SEC22C: variants seen among roughly 807,000 people sequenced by gnomAD.
SEC22C encodes SEC22 homolog C, vesicle trafficking protein, also known as vesicle-trafficking protein SEC22c.
A neutral mutation model predicts 34.7 loss-of-function variants in SEC22C; 29 were observed. The observed-to-expected ratio is 0.84, with a 90% CI of 0.62 to 1.14. SEC22C has a LOEUF of 1.14. SEC22C is among the 50% of genes most tolerant of loss of function. The pLI, the probability that SEC22C is intolerant of heterozygous loss-of-function variation, is 0.00. For missense variants in SEC22C, 337 were observed against 369.0 expected, an observed-to-expected ratio of 0.91 and a Z score of 0.71; for synonymous variants, 117 against 132.8, an observed-to-expected ratio of 0.88 and a Z score of 0.82.
intron 1 of SEC22C, chr3:42,591,138 G>A (rs1438524056): frequency 2.9e-6 from 2 of 701,436 alleles, no homozygotes; most frequent in Admixed American, 2.2e-5. Context: ...GCCGGGGCAG[G>A]ACCCCGGCAT....
intron 1 of SEC22C, among the ~76,000 whole-genome samples, chr3:42,574,879 C>T (rs891407293): frequency 6.6e-6 from 1 of 152,210 alleles, no homozygotes; most frequent in Admixed American, 6.5e-5. Context: ...AACGCAGTGA[C>T]ACAATCATGG....
At chr3:42,554,355 A>AT (rs1332802184) in intron 6 of SEC22C, among the ~76,000 whole-genome samples, 1 of 151,874 alleles carries the variant, frequency 6.6e-6, no homozygotes, top group Non-Finnish European at 1.5e-5. Context: ...ATGCTTTTTC[A>AT]TTTTTTTTAG....
chr3:42,575,382 A>C (rs1040361486), intron 1 of SEC22C, among the ~76,000 whole-genome samples: 2 of 152,256 alleles, frequency 1.3e-5, no homozygotes, highest in Non-Finnish European at 2.9e-5. Flanking sequence ...TACTATCTAC[A>C]TGAAATTCAC....
At chr3:42,594,415 C>T (rs1704967621) in intron 1 of SEC22C, 2 of 1,607,800 alleles carry the variant, frequency 1.2e-6, no homozygotes, top group Non-Finnish European at 1.7e-6. Context: ...TGTTTTTTTG[C>T]CCATAGGTAC....
chr3:42,585,898 C>T (rs977079685), upstream of SEC22C, among the ~76,000 whole-genome samples: 7 of 152,110 alleles, frequency 4.6e-5, no homozygotes, highest in African/African-American at 1.7e-4. Context: ...CCAAAATCAA[C>T]TTCCAAATAT....
chr3:42,576,527 A>G (rs549840657), intron 1 of SEC22C, among the ~76,000 whole-genome samples: 1 of 152,142 alleles, frequency 6.6e-6, no homozygotes, highest in Non-Finnish European at 1.5e-5. Context: ...AATAATATCA[A>G]TAAAGCTATA....
At chr3:42,570,717 A>C (rs1028978744) in intron 1 of SEC22C, among the ~76,000 whole-genome samples, 8 of 152,206 alleles carry the variant, frequency 5.3e-5, no homozygotes, top group Non-Finnish European at 1.2e-4. Context: ...ATGAGACCTC[A>C]AGGCACCACA....
At chr3:42,579,776 T>C (rs1450765349) in intron 1 of SEC22C, among the ~76,000 whole-genome samples, 2 of 152,256 alleles carry the variant, frequency 1.3e-5, no homozygotes, top group East Asian at 1.9e-4. Context: ...CTGGTACATA[T>C]TAGGAAGCAC....
Position 42,549,017 on chromosome 3 carries a change from G to GCACAAATCACTGCCC in SEC22C, c.*4230_*4231insGGGCAGTGATTTGTG. On this transcript the variant is annotated 3_prime_UTR_variant, in exon 7 of 7. Transcript: ENST00000264454. ...AGGAAACTGAGGCCTGATGGGCAGT[G>GCACAAATCACTGCCC]ATTTGTGCACTGCGACATAGGACTC... 9.8e-7 allele frequency: 1 copy of GCACAAATCACTGCCC among 1,020,030 alleles called. No individual in the cohort carries two copies. The highest frequency in any genetic ancestry group is 1.2e-6 in the Non-Finnish European group (1 of 837,392). The allele number at this position is 1,020,030 out of a possible 1,614,324, so 63.2% of individuals were successfully genotyped here. A position where few individuals can be genotyped will look rare whatever the true frequency, so the allele number is the denominator to read the frequency against.
chr3:42,555,833 G>T, intron 6 of SEC22C, 97 bp downstream of exon 6: 1 of 1,023,750 alleles, frequency 9.8e-7, no homozygotes, highest in Non-Finnish European at 1.5e-6. Flanking sequence ...GACCTTGGTG[G>T]AACAAAAATC....
intron 1 of SEC22C, chr3:42,591,708 C>T: frequency 1.2e-6 from 1 of 820,826 alleles, no homozygotes; most frequent in East Asian, 2.5e-5. Context: ...GCAGTTAAGC[C>T]CCTCTTTGAA....
intron 1 of SEC22C, among the ~76,000 whole-genome samples, chr3:42,571,190 A>C (rs186616951): frequency 1.3e-5 from 2 of 152,206 alleles, no homozygotes; most frequent in African/African-American, 4.8e-5. Context: ...AAGCGATGGT[A>C]ATCAGAAGAA....
chr3:42,590,341 G>T (rs1183599363), intron 1 of SEC22C, among the ~76,000 whole-genome samples: 1 of 152,126 alleles, frequency 6.6e-6, no homozygotes, highest in Non-Finnish European at 1.5e-5. Context: ...GGGTGAAGCC[G>T]AGCAAACCGC....
intron 1 of SEC22C, chr3:42,590,803 C>T (rs1480243900): frequency 1.6e-6 from 2 of 1,271,158 alleles, no homozygotes; most frequent in Non-Finnish European, 2.3e-6. Context: ...GTACCCCGCC[C>T]TGTAGGCGGG....
Position 42,549,523 on chromosome 3 carries a change from G to T in SEC22C, c.*3725C>A. 1.0e-6 allele frequency: 1 copy of T among 985,222 alleles called. No individual in the cohort carries two copies. The highest frequency in any genetic ancestry group is 4.7e-5 in the South Asian group (1 of 21,264). The allele number at this position is 985,222 out of a possible 1,614,324, so 61.0% of individuals were successfully genotyped here. A position where few individuals can be genotyped will look rare whatever the true frequency, so the allele number is the denominator to read the frequency against. On this transcript the variant is annotated 3_prime_UTR_variant, in exon 7 of 7. Transcript: ENST00000264454. ...ACACAGCCAGCCTTGCTGGCCTGCT[G>T]GCTATTGTCTCTGACTCTGAGCTGT...
intron 2 of SEC22C, among the ~76,000 whole-genome samples, chr3:42,568,316 A>G (rs1233624778): frequency 6.6e-6 from 1 of 151,802 alleles, no homozygotes; most frequent in South Asian, 2.1e-4. Flanking sequence ...AGGTCTCCCA[A>G]TGCTCATGGG....
At position 42,552,845 on chromosome 3, in the gene SEC22C, C is replaced by G. The variant is rs1386721745; in HGVS notation, c.*403G>C. 1 of 1,020,196 alleles carries G rather than the reference C, an allele frequency of 9.8e-7. No individual in the cohort carries two copies. Among genetic ancestry groups the G allele is most frequent in the Non-Finnish European group, 1.2e-6 (1 of 852,828 alleles). 63.2% of individuals were successfully genotyped at this position (1,020,196 alleles called of 1,614,324 possible). ...AATCAAGTTATGTTTAGACTGAAAGCTGATTTGGATTTTAAAGTGGTTCCT... is the reference window on the plus strand; with the variant it reads ...AATCAAGTTATGTTTAGACTGAAAGGTGATTTGGATTTTAAAGTGGTTCCT... On this transcript the variant is annotated 3_prime_UTR_variant, in exon 7 of 7. Transcript: ENST00000264454.
chr3:42,571,838 G>C (rs1291575883), intron 1 of SEC22C, among the ~76,000 whole-genome samples: 2 of 152,154 alleles, frequency 1.3e-5, no homozygotes, highest in African/African-American at 2.4e-5. Flanking sequence ...ATTCTGACCA[G>C]CCTGGCCAAC....
rs1023929187 is a variant in SEC22C, at chr3:42,552,807, GA to G, written c.*440del. 8.7e-5 allele frequency: 81 copies of G among 933,346 alleles called. No homozygotes were observed. Among genetic ancestry groups the G allele is most frequent in the South Asian group, 2.7e-4 (6 of 21,858 alleles). The allele number at this position is 933,346 out of a possible 1,614,324, so 57.8% of individuals were successfully genotyped here. ...TTAATTCATCCTGTACTGACCCTCT[GA>G]AAAAAAAAACTAATCAAGTTATGTT... On this transcript the variant is annotated 3_prime_UTR_variant, in exon 7 of 7. Transcript: ENST00000264454.
Sources: gnomAD v4.1 joint callset for allele counts (sites outside exome capture counted in the v4.1 genomes callset) on GRCh38, gnomAD v4.1.1 for gene constraint, MANE v1.5 for transcripts, NCBI Gene and HGNC (gene_info 2026-07-23, HGNC 2026-07-21) for gene names.